Variants in SPTBN5 observed in about 807,000 individuals in gnomAD.
SPTBN5 encodes the protein spectrin beta chain, non-erythrocytic 5.
In SPTBN5, 513 loss-of-function variants were observed where a neutral mutation model predicts 477.6. The ratio of observed to expected loss-of-function variants is 1.07; its 90% CI spans 1.00 to 1.16. The LOEUF is 1.16. Ranked by LOEUF, SPTBN5 falls within the 50% of genes most tolerant of loss-of-function variation. The probability of loss-of-function intolerance (pLI) is 0.00; values close to 1 mark genes in which losing one functional copy is unlikely to be tolerated. For synonymous variants in SPTBN5, 2,169 were observed against 2,011.7 expected, an observed-to-expected ratio of 1.08 and a Z score of -2.09; for missense variants, 5,062 against 4,731.8, an observed-to-expected ratio of 1.07 and a Z score of -2.05.
chr15:41,871,345 C>T (rs1221323054), intron 29 of SPTBN5, 30 bp downstream of exon 29: 1 of 1,388,340 alleles, frequency 7.2e-7, no homozygotes, highest in South Asian at 1.8e-5. Flanking sequence ...CCCCCAAACC[C>T]CATGCTGGCC....
At chr15:41,883,300 T>C in intron 8 of SPTBN5, 48 bp downstream of exon 8, 1 of 1,607,274 alleles carries the variant, frequency 6.2e-7, no homozygotes. Flanking sequence ...ACTGGGGAAG[T>C]CCCCCACCTT....
At chr15:41,877,644 C>T (rs1006290262) in intron 17 of SPTBN5, among the ~76,000 whole-genome samples, 5 of 152,012 alleles carry the variant, frequency 3.3e-5, no homozygotes, top group Non-Finnish European at 5.9e-5. Context: ...GACCGCAGGG[C>T]CACTGCAAGC....
intron 16 of SPTBN5, among the ~76,000 whole-genome samples, chr15:41,879,024 C>T (rs1249512866): frequency 6.6e-6 from 1 of 152,166 alleles, no homozygotes; most frequent in Non-Finnish European, 1.5e-5. Context: ...CGAGATCACG[C>T]CACTGCACTC....
intron 36 of SPTBN5, 175 bp from the exon 37 acceptor site, chr15:41,866,668 C>T: frequency 1.2e-6 from 1 of 845,358 alleles, no homozygotes. Context: ...GGCAGCCGGG[C>T]AGGGCCTTGG....
rs147547778 is a variant in SPTBN5 at position 41,880,127 on chromosome 15, C to T, written c.2811+33G>A. On this transcript the variant is annotated intron_variant, in intron 14 of 67. Transcript: ENST00000320955. Reference sequence around the variant, plus strand: ...AGACCACAGGGAGGCAGGGGCAAGGCGAGGAGGAGGTGCCAAGCTCCCAGG... The same window carrying T: ...AGACCACAGGGAGGCAGGGGCAAGGTGAGGAGGAGGTGCCAAGCTCCCAGG... The T allele has an allele frequency of 9.2e-4, 1,431 of 1,549,604 alleles. 1 individual carries two copies. The highest frequency in any genetic ancestry group is 1.3e-3 in the South Asian group (107 of 79,708).
intron 5 of SPTBN5, 76 bp downstream of exon 5, chr15:41,887,851 AC>A (rs1669643286): frequency 4.9e-6 from 7 of 1,426,588 alleles, no homozygotes; most frequent in African/African-American, 1.4e-5. Flanking sequence ...ATGTGGGAGA[AC>A]GGGTGGGCTG....
chr15:41,878,278 G>C, intron 17 of SPTBN5, 64 bp downstream of exon 17: 1 of 1,558,312 alleles, frequency 6.4e-7, no homozygotes, highest in East Asian at 2.3e-5. Context: ...TTCTGGGCCT[G>C]AACCCAGAGC....
At chr15:41,882,830 G>C in intron 9 of SPTBN5, 92 bp from the exon 10 acceptor site, 5 of 1,475,050 alleles carry the variant, frequency 3.4e-6, no homozygotes, top group Non-Finnish European at 4.5e-6. Flanking sequence ...CCCTTAGACA[G>C]GATTTTTCTT....
chr15:41,866,913 G>C (rs765056276), intron 36 of SPTBN5, 46 bp downstream of exon 36: 2 of 1,518,006 alleles, frequency 1.3e-6, no homozygotes, highest in Admixed American at 2.1e-5. Flanking sequence ...GAAAACTGTC[G>C]AGTGTGGTTC....
At chr15:41,874,257 T>A (rs2066641875) in intron 24 of SPTBN5, 35 bp downstream of exon 24, 1 of 1,582,090 alleles carries the variant, frequency 6.3e-7, no homozygotes, top group African/African-American at 1.3e-5. Context: ...GGGAAGCGGA[T>A]GTCGGTAATC....
rs1386048236 is a variant in SPTBN5, at chr15:41,853,662, C to T, written c.9900G>A (p.Gln3300=). Residue 3300 remains glutamine (Q), a synonymous_variant, in exon 58 of 68, where the codon CAG becomes CAA. Transcript: ENST00000320955. The stretch of plus-strand genomic sequence containing the variant: ...ACTGGCCTCGCTCCTGGGCCTTCGC[C>T]TGCAGGGTGGCCCAGGCCTCCTGCA... ...AKVQEAWATL[Q]AKAQERGQWL... The T allele has an allele frequency of 1.3e-6, 2 of 1,599,496 alleles. No individual in the cohort carries two copies. Among genetic ancestry groups the T allele is most frequent in the South Asian group, 2.2e-5 (2 of 90,328 alleles).
intron 31 of SPTBN5, 42 bp from the exon 32 acceptor site, chr15:41,870,062 T>C: frequency 6.9e-7 from 1 of 1,455,072 alleles, no homozygotes; most frequent in Non-Finnish European, 9.1e-7. Flanking sequence ...GGTCATGTCC[T>C]CCTGATTATC....
Position 41,851,162 on chromosome 15 carries a change from T to G in SPTBN5, c.10744-12A>C, listed in dbSNP as rs2065745629. 2.5e-6 allele frequency: 4 copies of G among 1,611,598 alleles called. No homozygotes were observed. Among genetic ancestry groups the G allele is most frequent in the East Asian group, 2.2e-5 (1 of 44,830 alleles). ...ATGGAAGCTACTTTCTGAGGAGAGA[T>G]GAGAGGCAGGGGTCACTGCGGCCAT... On this transcript the variant is annotated splice_polypyrimidine_tract_variant and intron_variant, in intron 64 of 67. Transcript: ENST00000320955.
chr15:41,887,083 T>C, intron 6 of SPTBN5, 130 bp downstream of exon 6: 3 of 777,400 alleles, frequency 3.9e-6, no homozygotes, highest in Admixed American at 2.1e-5. Context: ...CTCCATGTGA[T>C]AGAGGGTGCA....
intron 67 of SPTBN5, 137 bp from the exon 68 acceptor site, chr15:41,848,765 G>A (rs910509078): frequency 5.7e-6 from 6 of 1,047,162 alleles, no homozygotes; most frequent in Middle Eastern, 2.7e-4. Flanking sequence ...TTCCAGAGCT[G>A]ACTGACAGGC....
chr15:41,885,017 T>G (rs1033407796), intron 7 of SPTBN5, among the ~76,000 whole-genome samples: 1 of 152,154 alleles, frequency 6.6e-6, no homozygotes, highest in African/African-American at 2.4e-5. Flanking sequence ...CATTCCCCTA[T>G]CCTCCTTTAT....
At chr15:41,867,236 C>T in intron 35 of SPTBN5, 110 bp from the exon 36 acceptor site, 1 of 1,253,866 alleles carries the variant, frequency 8.0e-7, no homozygotes, top group Non-Finnish European at 1.1e-6. Flanking sequence ...TTCCTCAGCC[C>T]CACATGGCTG....
Position 41,873,941 on chromosome 15 carries a change from C to G in SPTBN5, c.4794G>C (p.Val1598=). The G allele has an allele frequency of 6.2e-7, 1 of 1,610,224 alleles. No individual in the cohort carries two copies. The highest frequency in any genetic ancestry group is 1.1e-5 in the South Asian group (1 of 91,088). Residue 1598 remains valine (V), a synonymous_variant, in exon 25 of 68, where the codon GTG becomes GTC. Transcript: ENST00000320955. Reference sequence around the variant, plus strand: ...GGCCTTCCAGCTCCTGGCACTGCTCCACGATGTGTTGGGCTTGGGGGTGCC... The same window carrying G: ...GGCCTTCCAGCTCCTGGCACTGCTCGACGATGTGTTGGGCTTGGGGGTGCC... The part of the protein sequence containing the change: ...ASGHPQAQHI[V]EQCQELEGHW...
At chr15:41,856,242 G>T in intron 53 of SPTBN5, 144 bp downstream of exon 53, 1 of 757,442 alleles carries the variant, frequency 1.3e-6, no homozygotes, top group Non-Finnish European at 2.0e-6. Context: ...TGGGAAACAT[G>T]TGGAAGGAAG....
Sources: gnomAD v4.1 joint callset for allele counts (sites outside exome capture counted in the v4.1 genomes callset) on GRCh38, gnomAD v4.1.1 for gene constraint, MANE v1.5 for transcripts, NCBI Gene and HGNC (gene_info 2026-07-23, HGNC 2026-07-21) for gene names.